KIRREL3: variants seen among roughly 807,000 people sequenced by gnomAD.
KIRREL3 encodes kin of IRRE-like protein 3.
In KIRREL3, 36 loss-of-function variants were observed where a neutral mutation model predicts 89.7. The observed-to-expected ratio is 0.40, with a 90% CI of 0.31 to 0.53. The LOEUF (loss-of-function observed/expected upper bound fraction) is 0.53. Among genes scored for constraint, KIRREL3 ranks in the 20% least tolerant of loss-of-function variants. The pLI is 0.49. For missense variants in KIRREL3, 864 were observed against 1,056.6 expected, an observed-to-expected ratio of 0.82 and a Z score of 2.53; for synonymous variants, 445 against 441.4, an observed-to-expected ratio of 1.01 and a Z score of -0.10.
intron 1 of KIRREL3, among the ~76,000 whole-genome samples, chr11:126,692,508 G>A (rs1189288822): frequency 9.0e-6 from 1 of 111,724 alleles, no homozygotes; most frequent in Non-Finnish European, 1.6e-5. Context: ...CTGCACCAAT[G>A]CACTCCAGCC....
chr11:126,719,470 T>G lies in KIRREL3; in HGVS notation c.56-156558A>C, dbSNP rs1341024684. 1.3e-5 allele frequency among the ~76,000 whole-genome samples: 2 copies of G among 152,196 alleles called. No individual in the cohort carries two copies. Among genetic ancestry groups the G allele is most frequent in the African/African-American group, 4.8e-5 (2 of 41,458 alleles). On this transcript the variant is annotated intron_variant, in intron 1 of 16. Transcript: ENST00000525144. This position sits in a 1 kb window ranked among gnomAD's most constrained non-coding sequence, Gnocchi z 4.7. ...GAGCTGTCTACATTCACTGCCTAGG[T>G]GATCTTACTTAGTCCCATGGCTTTC...
At chr11:126,959,203 C>T (rs1435462764) in intron 1 of KIRREL3, among the ~76,000 whole-genome samples, 1 of 152,234 alleles carries the variant, frequency 6.6e-6, no homozygotes, top group Non-Finnish European at 1.5e-5. Context: ...TTTCCAACTG[C>T]AGATCTGGAT....
chr11:126,638,211 G>A, intron 1 of KIRREL3, among the ~76,000 whole-genome samples: 1 of 152,312 alleles, frequency 6.6e-6, no homozygotes, highest in East Asian at 1.9e-4. Context: ...GAACATTTAA[G>A]TAATCCCATT....
chr11:126,851,117 A>G (rs936280646), intron 1 of KIRREL3, among the ~76,000 whole-genome samples: 2 of 152,202 alleles, frequency 1.3e-5, no homozygotes, highest in Admixed American at 6.5e-5. Flanking sequence ...CTGTATAAAG[A>G]AGGCTTTGAT....
chr11:126,597,388 T>G (rs1942448569), intron 1 of KIRREL3, among the ~76,000 whole-genome samples: 1 of 152,266 alleles, frequency 6.6e-6, no homozygotes, highest in Non-Finnish European at 1.5e-5. Flanking sequence ...GTTTAGTTTT[T>G]AATTAAGTCC....
rs1429516617 is a variant in KIRREL3, at chr11:126,486,642, A to G, written c.434-13176T>C. 2.6e-5 allele frequency among the ~76,000 whole-genome samples: 4 copies of G among 152,128 alleles called. No individual in the cohort carries two copies. Among genetic ancestry groups the G allele is most frequent in the Non-Finnish European group, 4.4e-5 (3 of 68,016 alleles). On this transcript the variant is annotated intron_variant, in intron 4 of 16. Coordinates refer to ENST00000525144, the MANE Select transcript of KIRREL3 (RefSeq NM_032531.4). This position sits in a 1 kb window ranked among gnomAD's most constrained non-coding sequence, Gnocchi z 6.2. ...ACTTGTATAATCCATGCTTCATGGT[A>G]TGGTGGGCCCTTGCAGTAGCCTTAT...
At position 126,624,885 on chromosome 11, in the gene KIRREL3, A is replaced by G. The variant is rs1020571676; in HGVS notation, c.56-61973T>C. Among the ~76,000 whole-genome samples the G allele has an allele frequency of 6.6e-6, 1 of 152,128 alleles. No individual in the cohort carries two copies. The highest frequency in any genetic ancestry group is 1.5e-5 in the Non-Finnish European group (1 of 68,032). ...AGCCTGCACTTTCTCCAGACCTACC[A>G]TCAGTAAGGATGGTGGAAATTGGGG... On this transcript the variant is annotated intron_variant, in intron 1 of 16. Transcript: ENST00000525144. The surrounding 1 kb of genome is among the most constrained non-coding windows in gnomAD (Gnocchi z 6.0).
intron 2 of KIRREL3, among the ~76,000 whole-genome samples, chr11:126,554,947 G>C (rs1222710988): frequency 1.3e-5 from 2 of 152,182 alleles, no homozygotes; most frequent in Admixed American, 1.3e-4. Context: ...GATAGACGAG[G>C]CTAACTTCAG....
Position 126,740,748 on chromosome 11 carries a change from A to T in KIRREL3, c.56-177836T>A, listed in dbSNP as rs974806283. Among the ~76,000 whole-genome samples, 4 of 152,104 alleles carry T rather than the reference A, an allele frequency of 2.6e-5. No homozygotes were observed. Among genetic ancestry groups the T allele is most frequent in the Non-Finnish European group, 4.4e-5 (3 of 68,012 alleles). On this transcript the variant is annotated intron_variant, in intron 1 of 16. Coordinates refer to ENST00000525144, the MANE Select transcript of KIRREL3 (RefSeq NM_032531.4). This position sits in a 1 kb window ranked among gnomAD's most constrained non-coding sequence, Gnocchi z 6.0. ...AGCACAAAAATGGCCTGAAAGATAA[A>T]TTTGTATTTTTGCATTGCTGGGCTA...
At chr11:126,848,536 G>T (rs941946462) in intron 1 of KIRREL3, among the ~76,000 whole-genome samples, 2 of 152,122 alleles carry the variant, frequency 1.3e-5, no homozygotes, top group Admixed American at 6.5e-5. Flanking sequence ...GTAAAAATCT[G>T]GATTGGATCA....
chr11:126,439,223 T>G (rs1186242877), intron 11 of KIRREL3, among the ~76,000 whole-genome samples: 3 of 151,564 alleles, frequency 2.0e-5, no homozygotes, highest in Non-Finnish European at 4.4e-5. Context: ...CCCAGTTACT[T>G]GGAAGGTTGA....
At chr11:126,630,555 A>T (rs1943976475) in intron 1 of KIRREL3, among the ~76,000 whole-genome samples, 2 of 152,116 alleles carry the variant, frequency 1.3e-5, no homozygotes, top group South Asian at 4.1e-4. Context: ...CTCCACTCAG[A>T]TACACTCTCT....
At position 126,463,626 on chromosome 11, in the gene KIRREL3, G is replaced by T. The variant is rs1956623980; in HGVS notation, c.592-319C>A. Among the ~76,000 whole-genome samples the T allele has an allele frequency of 6.6e-6, 1 of 152,186 alleles. No homozygotes were observed. The highest frequency in any genetic ancestry group is 2.4e-5 in the African/African-American group (1 of 41,452). On this transcript the variant is annotated intron_variant, in intron 5 of 16. Transcript: ENST00000525144. The surrounding 1 kb of genome is among the most constrained non-coding windows in gnomAD (Gnocchi z 5.9). ...TTCATGGAAACCAGGCTTCAGGGAGGTCCCATGTTGAAATGAACTCACATC... is the reference window on the plus strand; with the variant it reads ...TTCATGGAAACCAGGCTTCAGGGAGTTCCCATGTTGAAATGAACTCACATC...
intron 1 of KIRREL3, among the ~76,000 whole-genome samples, chr11:126,992,733 T>C (rs1486206039): frequency 1.3e-5 from 2 of 152,192 alleles, no homozygotes; most frequent in Non-Finnish European, 1.5e-5. Context: ...GCTCACCTGC[T>C]CCAGTGCTGT....
chr11:126,501,350 C>T lies in KIRREL3; in HGVS notation c.433+19965G>A, dbSNP rs929413049. 1.1e-4 allele frequency among the ~76,000 whole-genome samples: 17 copies of T among 152,258 alleles called. No homozygotes were observed. The highest frequency in any genetic ancestry group is 3.4e-3 in the Middle Eastern group (1 of 294). On this transcript the variant is annotated intron_variant, in intron 4 of 16. Transcript: ENST00000525144. The surrounding 1 kb of genome is among the most constrained non-coding windows in gnomAD (Gnocchi z 5.8). ...TGTTCACATCTTTAAGAGGGGAAGA[C>T]GGGGCTGCAGAGGGAGAGGAGCCAG...
Position 126,579,171 on chromosome 11 carries a change from C to T in KIRREL3, c.56-16259G>A, listed in dbSNP as rs139885372. On this transcript the variant is annotated intron_variant, in intron 1 of 16. Transcript: ENST00000525144. This position sits in a 1 kb window ranked among gnomAD's most constrained non-coding sequence, Gnocchi z 5.3. ...GCCATTGATGATCCTGGAGGATGAA[C>T]GGGTCGTCTAAAACAGATGACGCTG... Among the ~76,000 whole-genome samples the T allele has an allele frequency of 8.4e-3, 1,283 of 152,160 alleles. 19 individuals carry two copies. Among genetic ancestry groups the T allele is most frequent in the African/African-American group, 0.029 (1,205 of 41,508 alleles).
rs535773620 is a variant in KIRREL3, at chr11:126,557,663, G to T, written c.133+5172C>A. ...CATTTTTTTATTAGTGTACGAGGGT[G>T]CATAAAGAACAGGCTCTCACGCCAT... On this transcript the variant is annotated intron_variant, in intron 2 of 16. Transcript: ENST00000525144. The surrounding 1 kb of genome is among the most constrained non-coding windows in gnomAD (Gnocchi z 5.6). Among the ~76,000 whole-genome samples the T allele has an allele frequency of 6.6e-6, 1 of 152,302 alleles. No homozygotes were observed. The highest frequency in any genetic ancestry group is 2.4e-5 in the African/African-American group (1 of 41,558).
chr11:126,430,919 T>G lies in KIRREL3; in HGVS notation c.1696+500A>C. 2 of 960,228 alleles carry G rather than the reference T, an allele frequency of 2.1e-6. No homozygotes were observed. The highest frequency in any genetic ancestry group is 3.5e-5 in the African/African-American group (2 of 57,108). 59.5% of individuals were successfully genotyped at this position (960,228 alleles called of 1,614,324 possible). ...GCGTGCACAAACACTAGAATTTTAT[T>G]GGTAATCACTGAAGACCTTTAAAAG... On this transcript the variant is annotated intron_variant, in intron 14 of 16. Transcript: ENST00000525144. This position sits in a 1 kb window ranked among gnomAD's most constrained non-coding sequence, Gnocchi z 6.6.
chr11:126,791,747 G>T lies in KIRREL3; in HGVS notation c.55+208708C>A, dbSNP rs1950647399. 6.6e-6 allele frequency among the ~76,000 whole-genome samples: 1 copy of T among 152,192 alleles called. No homozygotes were observed. Among genetic ancestry groups the T allele is most frequent in the Admixed American group, 6.5e-5 (1 of 15,286 alleles). ...GAGAGGGAACAGAGAGGGATGGCCA[G>T]ACCTTGCCTTCTTTGATTTCTAGAA... On this transcript the variant is annotated intron_variant, in intron 1 of 16. Coordinates refer to ENST00000525144, the MANE Select transcript of KIRREL3 (RefSeq NM_032531.4). This position sits in a 1 kb window ranked among gnomAD's most constrained non-coding sequence, Gnocchi z 4.8.
Sources: allele counts gnomAD v4.1 joint callset (sites outside exome capture counted in the v4.1 genomes callset), GRCh38; gene constraint gnomAD v4.1.1; non-coding constraint Gnocchi (gnomAD v3.1); transcripts MANE v1.5; gene names NCBI Gene and HGNC (gene_info 2026-07-23, HGNC 2026-07-21).